Variants in ITSN1 observed in about 807,000 individuals in gnomAD.
ITSN1 encodes intersectin 1.
Under a neutral mutation model 239.8 loss-of-function variants are expected in ITSN1, and 58 were observed. That is an observed-to-expected ratio of 0.24 (90% CI 0.20 to 0.30). ITSN1 has a LOEUF of 0.30. ITSN1 is among the 10% of genes least tolerant of loss of function. The probability of loss-of-function intolerance (pLI) is 1.00; values close to 1 mark genes in which losing one functional copy is unlikely to be tolerated. For missense variants in ITSN1, 1,558 were observed against 2,103.3 expected (o/e 0.74, Z 5.07); for synonymous variants, 780 against 770.8 (o/e 1.01, Z -0.20).
chr21:33,744,665 G>A (rs369276155), intron 5 of ITSN1, among the ~76,000 whole-genome samples: 2 of 152,230 alleles, frequency 1.3e-5, no homozygotes, highest in Admixed American at 6.5e-5. Flanking sequence ...TTGTAATACT[G>A]GTCAGCAAGG....
intron 30 of ITSN1, among the ~76,000 whole-genome samples, chr21:33,858,339 G>T (rs957153235): frequency 6.6e-6 from 1 of 152,230 alleles, no homozygotes; most frequent in South Asian, 2.1e-4. Context: ...TTTTCACACC[G>T]GTCCAGCCCC....
chr21:33,765,991 A>T lies in ITSN1; in HGVS notation c.905A>T (p.Glu302Val), dbSNP rs747981470. The change falls in exon 10 of 40, where the codon GAA (glutamate) becomes GTA (valine). Residue 302 changes from glutamate to valine, a missense_variant. By Grantham distance (121) the Glu-to-Val change is moderately radical (BLOSUM62 -2). Coordinates refer to ENST00000381318, the MANE Select transcript of ITSN1 (RefSeq NM_003024.3). ...CCACTGCCACCTGTCCTGCCTCCAG[A>T]ATACATTCCACCTTCTTTTAGGTAA... ...GQPLPPVLPPEYIPPSFRRVR... is the reference protein window; with the variant it reads ...GQPLPPVLPPVYIPPSFRRVR... The T allele has an allele frequency of 6.2e-7, 1 of 1,614,192 alleles. No homozygotes were observed. Among genetic ancestry groups the T allele is most frequent in the Non-Finnish European group, 8.5e-7 (1 of 1,180,030 alleles).
chr21:33,700,990 TTTTCTTATA>T (rs2091985032), intron 1 of ITSN1, among the ~76,000 whole-genome samples: 1 of 149,350 alleles, frequency 6.7e-6, no homozygotes, highest in Non-Finnish European at 1.5e-5. Context: ...TGTGTGTGTG[TTTTCTTATA>T]GATGTGGTCT....
chr21:33,807,105 A>C (rs1388881312), intron 20 of ITSN1, among the ~76,000 whole-genome samples: 1 of 152,176 alleles, frequency 6.6e-6, no homozygotes, highest in Non-Finnish European at 1.5e-5. Context: ...GCTAATTGAG[A>C]CTATTGTTTG....
At chr21:33,660,978 T>C (rs2089506562) in intron 1 of ITSN1, among the ~76,000 whole-genome samples, 1 of 152,184 alleles carries the variant, frequency 6.6e-6, no homozygotes, top group Admixed American at 6.5e-5. Flanking sequence ...TATCACAAAA[T>C]CGTGTTTGTT....
At chr21:33,703,083 CTGTGTG>C (rs10529613) in intron 1 of ITSN1, among the ~76,000 whole-genome samples, 22 of 145,592 alleles carry the variant, frequency 1.5e-4, no homozygotes, top group African/African-American at 3.3e-4. Context: ...GAGACTCTGT[CTGTGTG>C]TGTGTGTGTG....
intron 4 of ITSN1, among the ~76,000 whole-genome samples, chr21:33,725,103 T>G (rs1252163490): frequency 6.9e-6 from 1 of 143,940 alleles, no homozygotes; most frequent in Non-Finnish European, 1.5e-5. Context: ...GCCCTCATCT[T>G]TAAAAAAAAA....
intron 1 of ITSN1, among the ~76,000 whole-genome samples, chr21:33,656,059 A>G (rs924809908): frequency 6.6e-6 from 1 of 152,154 alleles, no homozygotes; most frequent in Admixed American, 6.5e-5. Flanking sequence ...TCCAAGTGGA[A>G]GAAGCACAGC....
intron 14 of ITSN1, among the ~76,000 whole-genome samples, chr21:33,780,314 G>A (rs977736938): frequency 6.6e-6 from 1 of 152,198 alleles, no homozygotes; most frequent in African/African-American, 2.4e-5. Context: ...TCCCAAAAAT[G>A]TAATGAAGTG....
chr21:33,882,335 G>A lies in ITSN1; in HGVS notation c.4434G>A (p.Leu1478=), dbSNP rs1289676967. ...ACAAGGCCAAGAGCAACAAGGAGCT[G>A]TATGGCTTCCTTTTCAACGACTTCC... ...KLYKAKSNKE[L]YGFLFNDFLL... Residue 1478 remains leucine, a synonymous_variant, in exon 35 of 40, where the codon CTG becomes CTA. Transcript: ENST00000381318. This position sits in a 1 kb window ranked among gnomAD's most constrained non-coding sequence, Gnocchi z 4.5. 4 of 1,614,124 alleles carry A rather than the reference G, an allele frequency of 2.5e-6. No homozygotes were observed. The highest frequency in any genetic ancestry group is 2.5e-6 in the Non-Finnish European group (3 of 1,180,050).
At chr21:33,800,042 C>A in intron 19 of ITSN1, 113 bp downstream of exon 19, 2 of 1,031,950 alleles carry the variant, frequency 1.9e-6, no homozygotes, top group Admixed American at 2.9e-5. Context: ...ACCCAATAAT[C>A]CAGCATCTAG....
intron 1 of ITSN1, among the ~76,000 whole-genome samples, chr21:33,663,988 G>A (rs2146293485): frequency 6.6e-6 from 1 of 152,292 alleles, no homozygotes; most frequent in African/African-American, 2.4e-5. Context: ...CATCAGCTAT[G>A]TAGCTACTAG....
chr21:33,817,602 C>T (rs1443710190), intron 22 of ITSN1: 1 of 1,293,848 alleles, frequency 7.7e-7, no homozygotes, highest in Admixed American at 2.3e-5. Flanking sequence ...AGTAATACTG[C>T]CCATCTTTAT....
At chr21:33,862,325 G>T (rs776976090) in intron 31 of ITSN1, among the ~76,000 whole-genome samples, 1 of 152,062 alleles carries the variant, frequency 6.6e-6, no homozygotes, top group Admixed American at 6.5e-5. Context: ...CCAAAACAGT[G>T]TTTTTCTTAA....
At chr21:33,775,636 C>T (rs763007496) in intron 14 of ITSN1, among the ~76,000 whole-genome samples, 1 of 152,110 alleles carries the variant, frequency 6.6e-6, no homozygotes, top group Non-Finnish European at 1.5e-5. Context: ...TGCCAAAGTC[C>T]TGAGGTCGTA....
chr21:33,761,683 T>C (rs1375822647), intron 8 of ITSN1, among the ~76,000 whole-genome samples: 2 of 152,232 alleles, frequency 1.3e-5, no homozygotes, highest in Non-Finnish European at 2.9e-5. Context: ...GGTCATTCTT[T>C]ATCAAACATC....
At chr21:33,704,637 G>GTTA (rs2092164339) in intron 1 of ITSN1, among the ~76,000 whole-genome samples, 1 of 152,046 alleles carries the variant, frequency 6.6e-6, no homozygotes, top group East Asian at 1.9e-4. Context: ...CTTTCCATTC[G>GTTA]TTATTATAAG....
intron 1 of ITSN1, among the ~76,000 whole-genome samples, chr21:33,710,036 A>G (rs1347878717): frequency 3.3e-5 from 5 of 150,786 alleles, no homozygotes; most frequent in African/African-American, 1.2e-4. Flanking sequence ...ATCTGTTTGT[A>G]GAAGTTTCCT....
intron 29 of ITSN1, among the ~76,000 whole-genome samples, chr21:33,842,700 C>T (rs2074866021): frequency 6.6e-6 from 1 of 152,240 alleles, no homozygotes; most frequent in African/African-American, 2.4e-5. Context: ...CTTGGCACGT[C>T]GCTTCTGAGT....
Sources: allele counts gnomAD v4.1 joint callset (sites outside exome capture counted in the v4.1 genomes callset), GRCh38; gene constraint gnomAD v4.1.1; non-coding constraint Gnocchi (gnomAD v3.1); transcripts MANE v1.5; gene names NCBI Gene and HGNC (gene_info 2026-07-23, HGNC 2026-07-21).